WIPF1: variants seen among roughly 807,000 people sequenced by gnomAD.
WIPF1 encodes the protein WAS/WASL interacting protein family member 1.
A neutral mutation model predicts 35.4 loss-of-function variants in WIPF1; 13 were observed. That is an observed-to-expected ratio of 0.37 (90% confidence interval 0.24 to 0.58). WIPF1 has a LOEUF of 0.58. Ranked by LOEUF, WIPF1 falls within the 20% of genes least tolerant of loss-of-function variation. WIPF1 has a pLI of 0.74. For synonymous variants in WIPF1, 267 were observed against 266.3 expected (o/e 1.00, Z -0.02); for missense variants, 591 against 667.0 (o/e 0.89, Z 1.25).
rs1336895751 is a variant in WIPF1, at chr2:174,560,209, T to A, written c.*2338A>T. The stretch of plus-strand genomic sequence containing the variant: ...ATTCATAGTTTTAGATGCAATTAGG[T>A]TGCAAACTTTCAAAGAAAGGGTGTA... On this transcript the variant is annotated 3_prime_UTR_variant, in exon 8 of 8. Transcript: ENST00000679041. The A allele has an allele frequency of 1.3e-5, 2 of 152,598 alleles. No homozygotes were observed. Among genetic ancestry groups the A allele is most frequent in the Non-Finnish European group, 2.9e-5 (2 of 68,008 alleles). 9.5% of individuals were successfully genotyped at this position (152,598 alleles called of 1,614,324 possible). A position where few individuals can be genotyped will look rare whatever the true frequency, so the allele number is the denominator to read the frequency against.
At chr2:174,565,976 C>A (rs758759106) in intron 7 of WIPF1, among the ~76,000 whole-genome samples, 2 of 152,066 alleles carry the variant, frequency 1.3e-5, no homozygotes, top group Admixed American at 1.3e-4. Context: ...CTCTGCATCC[C>A]GGGTTCTAGT....
rs1336206459 is a variant in WIPF1, at chr2:174,582,424, C to A, written c.52-985G>T. Among the ~76,000 whole-genome samples the A allele has an allele frequency of 2.6e-5, 4 of 152,210 alleles. No individual in the cohort carries two copies. The East Asian group carries it at 7.7e-4, about 29-fold the overall frequency. ...CAGGGAGAGTCTGGCTGCCCCAAAC[C>A]CACAGGTCCTTTCTAGGCTGGCCCC... On this transcript the variant is annotated intron_variant, in intron 2 of 7. Transcript: ENST00000679041.
At chr2:174,644,305 C>T (rs1020903254) in intron 1 of WIPF1, among the ~76,000 whole-genome samples, 1 of 152,078 alleles carries the variant, frequency 6.6e-6, no homozygotes, top group African/African-American at 2.4e-5. Flanking sequence ...TAAAGTCATT[C>T]TGTTGTTTTG....
chr2:174,652,791 TAAAAAAA>T (rs78645163), intron 1 of WIPF1, among the ~76,000 whole-genome samples: 1 of 135,928 alleles, frequency 7.4e-6, no homozygotes, highest in Non-Finnish European at 1.6e-5. Context: ...AAATTCCATT[TAAAAAAA>T]AAAAAAAAAC....
At position 174,572,179 on chromosome 2, in the gene WIPF1, C is replaced by A. The variant is rs756582541; in HGVS notation, c.626G>T (p.Gly209Val). 5.6e-6 allele frequency: 9 copies of A among 1,613,994 alleles called. No individual in the cohort carries two copies. Among genetic ancestry groups the A allele is most frequent in the Middle Eastern group, 1.7e-4 (1 of 6,060 alleles). Reference sequence around the variant, plus strand: ...GGGCCCGGGGCTGGGCTGCCTGGGGCCTCCGGGCACTGGTGGGGACCCCCG... The same window carrying A: ...GGGCCCGGGGCTGGGCTGCCTGGGGACTCCGGGCACTGGTGGGGACCCCCG... ...HNRGSPPVPGGPRQPSPGPTP... is the reference protein window; with the variant it reads ...HNRGSPPVPGVPRQPSPGPTP... Residue 209 changes from glycine to valine, a missense_variant, in exon 5 of 8, where the codon GGC becomes GTC. Transcript: ENST00000679041.
chr2:174,678,287 C>T lies in WIPF1; in HGVS notation c.-39+4487G>A, dbSNP rs143335326. ...ATATATATACCCATAGTAAGCAATG[C>T]TAAAATGTTACATAGCAACATATTC... On this transcript the variant is annotated intron_variant, in intron 1 of 8. Coordinates refer to the WIPF1 transcript ENST00000272746. 1.2e-3 allele frequency among the ~76,000 whole-genome samples: 183 copies of T among 152,268 alleles called. 2 individuals are homozygous for T. Among genetic ancestry groups the T allele is most frequent in the African/African-American group, 4.1e-3 (172 of 41,560 alleles).
At chr2:174,661,829 G>A (rs1482107444) in intron 1 of WIPF1, among the ~76,000 whole-genome samples, 1 of 152,192 alleles carries the variant, frequency 6.6e-6, no homozygotes, top group African/African-American at 2.4e-5. Context: ...CCACCTTGGA[G>A]AGCTGGGTTC....
chr2:174,654,191 T>C (rs918410918), intron 1 of WIPF1, among the ~76,000 whole-genome samples: 1 of 152,242 alleles, frequency 6.6e-6, no homozygotes, highest in African/African-American at 2.4e-5. Flanking sequence ...GTACCATTTA[T>C]GTTTATTAAA....
intron 1 of WIPF1, among the ~76,000 whole-genome samples, chr2:174,644,230 A>T (rs1687355176): frequency 6.6e-6 from 1 of 152,162 alleles, no homozygotes; most frequent in East Asian, 1.9e-4. Flanking sequence ...TTTTCAAGAG[A>T]TCAAATACAT....
At chr2:174,598,917 A>C (rs1685906402), upstream of WIPF1, among the ~76,000 whole-genome samples, 1 of 152,204 alleles carries the variant, frequency 6.6e-6, no homozygotes, top group Admixed American at 6.5e-5. Context: ...AATGCTCATA[A>C]TTTTTTCTTA....
At chr2:174,649,799 T>C (rs951448209) in intron 1 of WIPF1, among the ~76,000 whole-genome samples, 8 of 152,156 alleles carry the variant, frequency 5.3e-5, no homozygotes, top group African/African-American at 1.7e-4. Flanking sequence ...AATCTGAAAG[T>C]CAACCAAGGA....
At chr2:174,582,076 G>A (rs1243189683) in intron 2 of WIPF1, among the ~76,000 whole-genome samples, 7 of 152,052 alleles carry the variant, frequency 4.6e-5, no homozygotes, top group East Asian at 1.9e-4. Flanking sequence ...TGAAACCACC[G>A]TCACAATCAA....
At chr2:174,575,139 C>T in intron 4 of WIPF1, 65 bp downstream of exon 4, 1 of 1,523,306 alleles carries the variant, frequency 6.6e-7, no homozygotes, top group Non-Finnish European at 8.9e-7. Flanking sequence ...AGGCTATGAC[C>T]AGCCTCCAAA....
At chr2:174,656,559 A>G (rs897259544) in intron 1 of WIPF1, among the ~76,000 whole-genome samples, 2 of 152,234 alleles carry the variant, frequency 1.3e-5, no homozygotes, top group African/African-American at 4.8e-5. Context: ...ATATTCTCCA[A>G]TGAAAAGATA....
chr2:174,629,740 C>T (rs1309381916), intron 1 of WIPF1: 1 of 152,268 alleles, frequency 6.6e-6, no homozygotes, highest in Non-Finnish European at 1.5e-5. Context: ...TCCATCTAGC[C>T]TTCCGCGTAG....
rs572749869 is a variant in WIPF1, at chr2:174,580,519, C to G, written c.181+791G>C. On this transcript the variant is annotated intron_variant, in intron 3 of 7. Coordinates refer to ENST00000679041, the MANE Select transcript of WIPF1 (RefSeq NM_001375834.1). ...GATCCATCTGGTGATTTTGGAAGGT[C>G]AGTCTATTTCCTGTTCCGTCCAAAT... Among the ~76,000 whole-genome samples, 3 of 152,306 alleles carry G rather than the reference C, an allele frequency of 2.0e-5. No individual in the cohort carries two copies. In the South Asian group the frequency reaches 6.2e-4, roughly 32 times the overall value.
chr2:174,624,718 T>C (rs1468323711), intron 1 of WIPF1, among the ~76,000 whole-genome samples: 2 of 152,200 alleles, frequency 1.3e-5, no homozygotes, highest in Non-Finnish European at 2.9e-5. Context: ...TGTTGAATTA[T>C]GGGAGAAGTC....
chr2:174,664,977 GTTTTATTAACATTAA>G (rs1185186210), intron 1 of WIPF1, among the ~76,000 whole-genome samples: 1 of 152,028 alleles, frequency 6.6e-6, no homozygotes, highest in Admixed American at 6.6e-5. Context: ...TTATGTTAAT[GTTTTATTAACATTAA>G]TAATATTATA....
chr2:174,633,668 G>A (rs1687096519), intron 1 of WIPF1, among the ~76,000 whole-genome samples: 1 of 152,162 alleles, frequency 6.6e-6, no homozygotes, highest in Non-Finnish European at 1.5e-5. Context: ...GAATAATCTT[G>A]GGCCCTTTCT....
Sources: gnomAD v4.1 joint callset for allele counts (sites outside exome capture counted in the v4.1 genomes callset) on GRCh38, gnomAD v4.1.1 for gene constraint, MANE v1.5 for transcripts, NCBI Gene and HGNC (gene_info 2026-07-23, HGNC 2026-07-21) for gene names.